Variants in LYPLA1 observed in about 807,000 individuals in gnomAD.
The protein encoded by LYPLA1 is acyl-protein thioesterase 1.
In LYPLA1, 17 loss-of-function variants were observed where a neutral mutation model predicts 34.0. The observed-to-expected ratio is 0.50, with a 90% CI of 0.34 to 0.75. The LOEUF (loss-of-function observed/expected upper bound fraction) is 0.75. Ranked by LOEUF, LYPLA1 falls within the 30% of genes least tolerant of loss-of-function variation. The probability of loss-of-function intolerance (pLI) is 0.01; values close to 1 mark genes in which losing one functional copy is unlikely to be tolerated. For synonymous variants in LYPLA1, 98 were observed against 100.8 expected (o/e 0.97, Z 0.17); for missense variants, 203 against 288.8 (o/e 0.70, Z 2.15).
intron 2 of LYPLA1, among the ~76,000 whole-genome samples, chr8:54,086,439 A>T (rs1377072673): frequency 3.4e-4 from 18 of 53,352 alleles, no homozygotes; most frequent in South Asian, 2.0e-3. Context: ...TAAAAAAATT[A>T]AAAAAAAAAA....
rs577629530 is a variant in LYPLA1 at position 54,100,556 on chromosome 8, T to C, written c.101+352A>G. 9 of 273,696 alleles carry C rather than the reference T, an allele frequency of 3.3e-5. No individual in the cohort carries two copies. In the East Asian group the frequency reaches 1.2e-3, roughly 35 times the overall value. The allele number at this position is 273,696 out of a possible 1,614,324, so 17.0% of individuals were successfully genotyped here. On this transcript the variant is annotated intron_variant, in intron 2 of 8. Transcript: ENST00000316963. ...TAGTTCTCTTATCAAAATCAACTAG[T>C]TCTTCTCTTCAATCTGCTCTGAAAT...
rs1427028666 is a variant in LYPLA1, at chr8:54,055,153, T to C, written c.287-20A>G. The C allele has an allele frequency of 2.1e-6, 3 of 1,420,460 alleles. No homozygotes were observed. 88.0% of individuals were successfully genotyped at this position (1,420,460 alleles called of 1,614,324 possible). A position where few individuals can be genotyped will look rare whatever the true frequency, so the allele number is the denominator to read the frequency against. On this transcript the variant is annotated intron_variant, in intron 5 of 8. Transcript: ENST00000316963. ...CTTTTACTAAAAACAACATGAAAGTTAGTCAGCAATACTTTCAGAGTTAAG... is the reference window on the plus strand; with the variant it reads ...CTTTTACTAAAAACAACATGAAAGTCAGTCAGCAATACTTTCAGAGTTAAG...
intron 2 of LYPLA1, 51 bp from the exon 3 acceptor site, chr8:54,065,864 G>A (rs774588480): frequency 2.6e-6 from 3 of 1,162,742 alleles, no homozygotes; most frequent in South Asian, 1.2e-5. Flanking sequence ...TTAAATCCCA[G>A]TAAGTAAGTA....
chr8:54,059,951 T>G (rs1309693691), intron 5 of LYPLA1, among the ~76,000 whole-genome samples: 2 of 151,872 alleles, frequency 1.3e-5, no homozygotes, highest in Admixed American at 6.6e-5. Flanking sequence ...GCAAAACAAT[T>G]CACAGCCAGC....
chr8:54,080,516 AC>A (rs1469029874), intron 2 of LYPLA1, among the ~76,000 whole-genome samples: 1 of 152,212 alleles, frequency 6.6e-6, no homozygotes, highest in East Asian at 1.9e-4. Flanking sequence ...GTTTACACTT[AC>A]GAAGTATATT....
chr8:54,091,149 T>C (rs781748910), intron 2 of LYPLA1, among the ~76,000 whole-genome samples: 1 of 152,058 alleles, frequency 6.6e-6, no homozygotes, highest in Non-Finnish European at 1.5e-5. Context: ...GGATTACAGG[T>C]GTGAGCCACC....
At chr8:54,087,584 C>T (rs1808899748) in intron 2 of LYPLA1, among the ~76,000 whole-genome samples, 1 of 152,238 alleles carries the variant, frequency 6.6e-6, no homozygotes, top group African/African-American at 2.4e-5. Flanking sequence ...AAAGACACCC[C>T]ACGCAATGGG....
intron 2 of LYPLA1, among the ~76,000 whole-genome samples, chr8:54,085,042 T>C (rs577676050): frequency 6.6e-6 from 1 of 152,206 alleles, no homozygotes; most frequent in African/African-American, 2.4e-5. Context: ...AGTCTCCCTC[T>C]GATGCCGAGA....
At chr8:54,053,095 C>CTTT (rs374207905) in intron 6 of LYPLA1, 6 of 158,844 alleles carry the variant, frequency 3.8e-5, no homozygotes, top group East Asian at 1.6e-4. Context: ...ATTGGTATTA[C>CTTT]TTTTTTTTTT....
chr8:54,090,634 C>T (rs1031018473), intron 2 of LYPLA1, among the ~76,000 whole-genome samples: 2 of 152,112 alleles, frequency 1.3e-5, no homozygotes, highest in African/African-American at 4.8e-5. Context: ...TTGTTGGCAC[C>T]GCGGGACCAG....
At chr8:54,061,174 G>C (rs1239821313) in intron 5 of LYPLA1, among the ~76,000 whole-genome samples, 2 of 151,848 alleles carry the variant, frequency 1.3e-5, no homozygotes, top group Admixed American at 1.3e-4. Flanking sequence ...TCTGCCTCCT[G>C]GGTTCAAGCG....
In LYPLA1 at chr8:54,101,886, C is replaced by A. The variant is rs570897639; in HGVS notation, c.-63G>T. Reference sequence around the variant, plus strand: ...CGGGCGCCCGGCCGCGGCCCAAGGGCGTGCGAGCGGCGAGTCCCGGCCGGC... The same window carrying A: ...CGGGCGCCCGGCCGCGGCCCAAGGGAGTGCGAGCGGCGAGTCCCGGCCGGC... On this transcript the variant is annotated 5_prime_UTR_variant, in exon 1 of 9. Transcript: ENST00000316963. The A allele has an allele frequency of 3.8e-4, 398 of 1,058,558 alleles. 2 individuals carry two copies. The highest frequency in any genetic ancestry group is 1.5e-3 in the Middle Eastern group (4 of 2,596). The allele number at this position is 1,058,558 out of a possible 1,614,324, so 65.6% of individuals were successfully genotyped here.
intron 8 of LYPLA1, among the ~76,000 whole-genome samples, chr8:54,050,058 T>A (rs1386247829): frequency 6.6e-6 from 1 of 152,150 alleles, no homozygotes; most frequent in Non-Finnish European, 1.5e-5. Context: ...ATCCCTGAGC[T>A]TTTTTTCTTA....
intron 6 of LYPLA1, chr8:54,053,614 T>C (rs1163059899): frequency 6.6e-6 from 3 of 456,150 alleles, no homozygotes; most frequent in African/African-American, 2.0e-5. Context: ...TGTTTTCTCC[T>C]GGCACTGTGG....
At chr8:54,094,568 C>T (rs779632830) in intron 2 of LYPLA1, among the ~76,000 whole-genome samples, 5 of 152,224 alleles carry the variant, frequency 3.3e-5, no homozygotes, top group African/African-American at 1.2e-4. Flanking sequence ...AATACTAAAA[C>T]TGATATGTGT....
intron 2 of LYPLA1, among the ~76,000 whole-genome samples, chr8:54,097,257 G>A (rs574160341): frequency 2.0e-5 from 3 of 152,184 alleles, no homozygotes; most frequent in South Asian, 4.1e-4. Flanking sequence ...CTACTGATGC[G>A]CGCAATGAAT....
rs1586064448 is a variant in LYPLA1, at chr8:54,048,158, T to C, written c.640-40A>G. On this transcript the variant is annotated intron_variant, in intron 8 of 8. Coordinates refer to ENST00000316963, the MANE Select transcript of LYPLA1 (RefSeq NM_006330.4). The stretch of plus-strand genomic sequence containing the variant: ...GTAATTTAATAGGTAGGTAGTTATG[T>C]AAGTCAGAAATTAAATTCCCACTAA... 6 of 1,305,368 alleles carry C rather than the reference T, an allele frequency of 4.6e-6. No individual in the cohort carries two copies. In the East Asian group the frequency reaches 1.4e-4, roughly 30 times the overall value. 80.9% of individuals were successfully genotyped at this position (1,305,368 alleles called of 1,614,324 possible).
At position 54,101,867 on chromosome 8, in the gene LYPLA1, C is replaced by G; in HGVS notation, c.-44G>C. ...GCGCAAGCGGAAGGAAGAGCGGGCG[C>G]CCGGCCGCGGCCCAAGGGCGTGCGA... On this transcript the variant is annotated 5_prime_UTR_variant, in exon 1 of 9. Transcript: ENST00000316963. The G allele has an allele frequency of 8.5e-7, 1 of 1,180,394 alleles. No homozygotes were observed. Among genetic ancestry groups the G allele is most frequent in the Non-Finnish European group, 1.1e-6 (1 of 937,980 alleles). 73.1% of individuals were successfully genotyped at this position (1,180,394 alleles called of 1,614,324 possible). A position where few individuals can be genotyped will look rare whatever the true frequency, so the allele number is the denominator to read the frequency against.
intron 2 of LYPLA1, among the ~76,000 whole-genome samples, chr8:54,084,082 G>A (rs1395052047): frequency 6.8e-6 from 1 of 147,446 alleles, no homozygotes; most frequent in Non-Finnish European, 1.5e-5. Flanking sequence ...AGGTTGCAGT[G>A]AGTTGAGATC....
Sources: allele counts gnomAD v4.1 joint callset (sites outside exome capture counted in the v4.1 genomes callset), GRCh38; gene constraint gnomAD v4.1.1; transcripts MANE v1.5; gene names NCBI Gene and HGNC (gene_info 2026-07-23, HGNC 2026-07-21).